NIPSNAP1: variants seen among roughly 807,000 people sequenced by gnomAD.
NIPSNAP1 encodes protein NipSnap homolog 1.
NIPSNAP1 carries 25 observed loss-of-function variants against 49.2 expected under a neutral mutation model. The ratio of observed to expected loss-of-function variants is 0.51; its 90% CI spans 0.37 to 0.71. NIPSNAP1 has a LOEUF of 0.71. NIPSNAP1 is among the 30% of genes least tolerant of loss of function. The probability of loss-of-function intolerance (pLI) is 0.00; values close to 1 mark genes in which losing one functional copy is unlikely to be tolerated. For missense variants in NIPSNAP1, 294 were observed against 361.0 expected, an observed-to-expected ratio of 0.81 and a Z score of 1.50; for synonymous variants, 143 against 140.7, an observed-to-expected ratio of 1.02 and a Z score of -0.12.
chr22:29,569,348 G>A (rs576644374), intron 3 of NIPSNAP1, 61 bp from the exon 4 acceptor site: 3 of 1,286,282 alleles, frequency 2.3e-6, no homozygotes, highest in Non-Finnish European at 3.4e-6. Context: ...CTGAGATAAG[G>A]GTTCAAACTC....
chr22:29,563,097 T>A (rs148737929), intron 4 of NIPSNAP1, among the ~76,000 whole-genome samples: 3,207 of 123,428 alleles, frequency 0.026, 126 homozygotes, highest in African/African-American at 0.08. Context: ...AGACTCCATC[T>A]TAAAAAAAAA....
At chr22:29,580,074 G>T (rs1034479712) in intron 1 of NIPSNAP1, 61 of 1,303,530 alleles carry the variant, frequency 4.7e-5, no homozygotes, top group Non-Finnish European at 5.7e-5. Flanking sequence ...TCACAGGTTG[G>T]GGGAGGGGGA....
In NIPSNAP1 at chr22:29,555,401, C is replaced by G. The variant is rs538950525; in HGVS notation, c.*534G>C. The G allele has an allele frequency of 6.3e-6, 1 of 158,678 alleles. No homozygotes were observed. Among genetic ancestry groups the G allele is most frequent in the Non-Finnish European group, 1.4e-5 (1 of 71,550 alleles). 9.8% of individuals were successfully genotyped at this position (158,678 alleles called of 1,614,324 possible). On this transcript the variant is annotated 3_prime_UTR_variant, in exon 10 of 10. Coordinates refer to ENST00000216121, the MANE Select transcript of NIPSNAP1 (RefSeq NM_003634.4). ...CTGAACCTCCTCCTGACCGTGGTGA[C>G]GAGGTTTGTTTGTATTTGTTTTTTT...
intron 4 of NIPSNAP1, among the ~76,000 whole-genome samples, chr22:29,565,526 A>G (rs2064363134): frequency 6.6e-6 from 1 of 151,710 alleles, no homozygotes; most frequent in South Asian, 2.1e-4. Context: ...AAAGAAAAAA[A>G]AGAAAAAGTC....
chr22:29,556,029 G>C (rs78018339), intron 9 of NIPSNAP1, 30 bp from the exon 10 acceptor site: 4 of 849,568 alleles, frequency 4.7e-6, no homozygotes, highest in African/African-American at 2.3e-5. Flanking sequence ...AGGTCACACA[G>C]GGGGCTCAAG....
chr22:29,572,302 C>CA (rs695769), intron 1 of NIPSNAP1, among the ~76,000 whole-genome samples: 5,265 of 70,592 alleles, frequency 0.075, 582 homozygotes, highest in African/African-American at 0.25. Flanking sequence ...GAATCCATCT[C>CA]AAAAAAAAAA....
chr22:29,555,640 G>T lies in NIPSNAP1; in HGVS notation c.*295C>A. ...GATAACTGGGGACTGGTGGCCTTGA[G>T]ATGAGGAATTTTAGAAGATAAATGA... On this transcript the variant is annotated 3_prime_UTR_variant, in exon 10 of 10. Coordinates refer to ENST00000216121, the MANE Select transcript of NIPSNAP1 (RefSeq NM_003634.4). 2.5e-6 allele frequency: 1 copy of T among 399,852 alleles called. No homozygotes were observed. Among genetic ancestry groups the T allele is most frequent in the Non-Finnish European group, 4.7e-6 (1 of 210,542 alleles). The allele number at this position is 399,852 out of a possible 1,614,324, so 24.8% of individuals were successfully genotyped here. A position where few individuals can be genotyped will look rare whatever the true frequency, so the allele number is the denominator to read the frequency against.
intron 6 of NIPSNAP1, 26 bp from the exon 7 acceptor site, chr22:29,561,228 G>T (rs775731439): frequency 1.9e-6 from 3 of 1,612,410 alleles, no homozygotes; most frequent in Non-Finnish European, 2.5e-6. Context: ...AGGGATGATG[G>T]GAATGAGCCC....
Position 29,561,587 on chromosome 22 carries a change from C to A in NIPSNAP1, c.498G>T (p.Leu166=). The change falls in exon 6 of 10, where the codon CTG becomes CTT. Residue 166 remains leucine, a synonymous_variant. Coordinates refer to ENST00000216121, the MANE Select transcript of NIPSNAP1 (RefSeq NM_003634.4). ...CATTCCAGAAGCTGAACTCGAGGAG[C>A]AGCTGGTTTCTCCTGGACAGCAGCA... The part of the protein sequence containing the change: ...SQMLLSRRNQ[L]LLEFSFWNEP... The A allele has an allele frequency of 1.2e-6, 2 of 1,614,070 alleles. No homozygotes were observed. The highest frequency in any genetic ancestry group is 1.7e-6 in the Non-Finnish European group (2 of 1,180,000).
intron 9 of NIPSNAP1, among the ~76,000 whole-genome samples, 169 bp from the exon 10 acceptor site, chr22:29,556,168 C>G (rs538862379): frequency 6.6e-6 from 1 of 152,214 alleles, no homozygotes; most frequent in East Asian, 1.9e-4. Flanking sequence ...CACCAGATCC[C>G]TCAAATTATG....
At position 29,570,171 on chromosome 22, in the gene NIPSNAP1, T is replaced by C. The variant is rs1184296932; in HGVS notation, c.263A>G (p.Asn88Ser). ...NVKPEYLDAY[N>S]SLTEAVLPKL... ...GATGCAGGGTGCTCACGTGAGGCTG[T>C]TGTAGGCATCCAGGTATTCAGGCTT... The change falls in exon 3 of 10, where the codon AAC (asparagine) becomes AGC (serine). Residue 88 changes from asparagine (N) to serine (S), a missense_variant. Transcript: ENST00000216121. 2 of 1,613,818 alleles carry C rather than the reference T, an allele frequency of 1.2e-6. No homozygotes were observed. The highest frequency in any genetic ancestry group is 2.2e-5 in the East Asian group (1 of 44,858).
At chr22:29,573,279 C>T (rs1189328347) in intron 1 of NIPSNAP1, among the ~76,000 whole-genome samples, 6 of 152,082 alleles carry the variant, frequency 3.9e-5, no homozygotes, top group East Asian at 1.9e-4. Flanking sequence ...TCATGATCCA[C>T]CTGCCTCGGC....
Position 29,561,494 on chromosome 22 carries a change from G to A in NIPSNAP1, c.579+12C>T, listed in dbSNP as rs372170807. The A allele has an allele frequency of 4.4e-5, 71 of 1,613,888 alleles. 1 individual carries two copies. In the Middle Eastern group the frequency reaches 5.5e-3, roughly 124 times the overall value. On this transcript the variant is annotated intron_variant, in intron 6 of 9. Transcript: ENST00000216121. ...ATTGGGGGGCAGGAGGGGGTCTGTC[G>A]GAGGGAGGCACCTTGAGCTTGTATG...
intron 1 of NIPSNAP1, among the ~76,000 whole-genome samples, chr22:29,572,307 A>AG (rs1314893605): frequency 2.0e-5 from 3 of 151,274 alleles, no homozygotes; most frequent in African/African-American, 7.3e-5. Flanking sequence ...CATCTCAAAA[A>AG]AAAAAAAAAA....
chr22:29,560,825 A>T lies in NIPSNAP1; in HGVS notation c.615T>A (p.Ala205=). 1.2e-6 allele frequency: 2 copies of T among 1,614,040 alleles called. No individual in the cohort carries two copies. Among genetic ancestry groups the T allele is most frequent in the Non-Finnish European group, 1.7e-6 (2 of 1,180,008 alleles). ...TCTCCTGCCGGTACTTGATGGCCCG[A>T]GCCCTGGAGAAGGCACAATAATATG... ...GTMIEWGNNW[A]RAIKYRQENQ... Residue 205 remains alanine (A), a synonymous_variant, in exon 8 of 10, where the codon GCT becomes GCA. Coordinates refer to ENST00000216121, the MANE Select transcript of NIPSNAP1 (RefSeq NM_003634.4).
chr22:29,569,349 G>A, intron 3 of NIPSNAP1, 62 bp from the exon 4 acceptor site: 1 of 1,276,906 alleles, frequency 7.8e-7, no homozygotes. Context: ...TGAGATAAGG[G>A]TTCAAACTCA....
intron 1 of NIPSNAP1, among the ~76,000 whole-genome samples, chr22:29,573,253 T>C (rs956977729): frequency 6.6e-6 from 1 of 152,040 alleles, no homozygotes; most frequent in African/African-American, 2.4e-5. Context: ...GCCAGGATGG[T>C]CTCGATCTCT....
chr22:29,574,283 A>G (rs695454), intron 1 of NIPSNAP1, among the ~76,000 whole-genome samples: 36,059 of 111,124 alleles, frequency 0.32, 6,409 homozygotes, highest in African/African-American at 0.38. Context: ...AAAAAAAAAA[A>G]AAAAAAAAAG....
At chr22:29,572,686 C>T (rs2064418830) in intron 1 of NIPSNAP1, among the ~76,000 whole-genome samples, 1 of 151,678 alleles carries the variant, frequency 6.6e-6, no homozygotes, top group South Asian at 2.1e-4. Flanking sequence ...TGTAGTCCCA[C>T]TACTTGGGAG....
Sources: gnomAD v4.1 joint callset for allele counts (sites outside exome capture counted in the v4.1 genomes callset) on GRCh38, gnomAD v4.1.1 for gene constraint, MANE v1.5 for transcripts, NCBI Gene and HGNC (gene_info 2026-07-23, HGNC 2026-07-21) for gene names.